The following NUDT9 variants were observed in gnomAD, a reference collection of about 807,000 sequenced individuals.
The protein encoded by NUDT9 is ADP-ribose pyrophosphatase.
In NUDT9, 31 loss-of-function variants were observed where a neutral mutation model predicts 41.0. That is an observed-to-expected ratio of 0.76 (90% confidence interval 0.57 to 1.02). The LOEUF (loss-of-function observed/expected upper bound fraction) is 1.02. NUDT9 is among the 50% of genes least tolerant of loss of function. The pLI is 0.00. For missense variants in NUDT9, 380 were observed against 431.4 expected, an observed-to-expected ratio of 0.88 and a Z score of 1.06; for synonymous variants, 146 against 147.6, an observed-to-expected ratio of 0.99 and a Z score of 0.08.
In NUDT9 at chr4:87,455,650, T is replaced by TC. The variant is rs372811028; in HGVS notation, c.874+1196dup. On this transcript the variant is annotated intron_variant, in intron 7 of 7. Coordinates refer to ENST00000302174, the MANE Select transcript of NUDT9 (RefSeq NM_024047.5). ...TTAGCGTGCTTTTAGTGCTTTTTTT[T>TC]CTTTTTTCTTTTTTTTTTTTTTTAA... Among the ~76,000 whole-genome samples, 307 of 150,270 alleles carry TC rather than the reference T, an allele frequency of 2.0e-3. 4 individuals carry two copies. Among genetic ancestry groups the TC allele is most frequent in the African/African-American group, 7.3e-3 (291 of 40,128 alleles).
chr4:87,454,247 A>G, intron 6 of NUDT9, 124 bp from the exon 7 acceptor site: 2 of 621,456 alleles, frequency 3.2e-6, no homozygotes, highest in Non-Finnish European at 5.9e-6. Flanking sequence ...GCTCAGTAGC[A>G]TTAAGTATGT....
chr4:87,433,697 G>T (rs1181000590), intron 1 of NUDT9, among the ~76,000 whole-genome samples: 1 of 152,176 alleles, frequency 6.6e-6, no homozygotes, highest in Admixed American at 6.5e-5. Context: ...CGTATTTTAA[G>T]AATAATTAGA....
chr4:87,422,787 C>T lies in NUDT9; in HGVS notation c.-119C>T, dbSNP rs901968436. 1.8e-5 allele frequency: 12 copies of T among 673,100 alleles called. No individual in the cohort carries two copies. The African/African-American group carries it at 2.0e-4, about 11-fold the overall frequency. The allele number at this position is 673,100 out of a possible 1,614,324, so 41.7% of individuals were successfully genotyped here. On this transcript the variant is annotated 5_prime_UTR_variant, in exon 1 of 8. Transcript: ENST00000302174. ...CTACTCCCGTTCGGGAACCCAACGG[C>T]AGACAGGTCCTAGTGCCCATCAGAT... is the stretch of plus-strand genomic sequence containing the variant.
intron 5 of NUDT9, among the ~76,000 whole-genome samples, chr4:87,449,578 C>T (rs899325234): frequency 1.3e-5 from 2 of 152,048 alleles, no homozygotes; most frequent in South Asian, 2.1e-4. Flanking sequence ...ATAAAGAGAT[C>T]TACTTCACAG....
At chr4:87,436,363 T>C (rs1023858860) in intron 2 of NUDT9, among the ~76,000 whole-genome samples, 3 of 152,154 alleles carry the variant, frequency 2.0e-5, no homozygotes, top group African/African-American at 7.2e-5. Context: ...CAGGGTGGAG[T>C]GCAGTGGTGT....
intron 2 of NUDT9, among the ~76,000 whole-genome samples, chr4:87,437,750 A>G (rs1328402337): frequency 6.6e-6 from 1 of 152,186 alleles, no homozygotes; most frequent in Non-Finnish European, 1.5e-5. Context: ...TTTCCAGCAT[A>G]GTATGTCTGT....
chr4:87,438,487 T>C (rs1722056283), intron 3 of NUDT9, 115 bp downstream of exon 3: 1 of 558,156 alleles, frequency 1.8e-6, no homozygotes, highest in East Asian at 3.0e-5. Context: ...TATTTACATA[T>C]GTGATGTAAT....
chr4:87,444,542 A>G (rs937489835), intron 4 of NUDT9, among the ~76,000 whole-genome samples: 1 of 152,032 alleles, frequency 6.6e-6, no homozygotes, highest in Non-Finnish European at 1.5e-5. Flanking sequence ...AAGAGTTAAT[A>G]AAAAAAATAT....
intron 5 of NUDT9, among the ~76,000 whole-genome samples, chr4:87,451,047 G>GT (rs1475043378): frequency 6.6e-6 from 1 of 152,218 alleles, no homozygotes; most frequent in Non-Finnish European, 1.5e-5. Context: ...ACTAGGAAGT[G>GT]TTTGAGAGTT....
In NUDT9 at chr4:87,458,855, G is replaced by A. The variant is rs186579309; in HGVS notation, c.*834G>A. On this transcript the variant is annotated 3_prime_UTR_variant, in exon 8 of 8. Coordinates refer to ENST00000302174, the MANE Select transcript of NUDT9 (RefSeq NM_024047.5). ...GAATGCTTATACGCTGTTAGTGGGA[G>A]TGTAAATTGGTCCAACCATTGTGGA... The A allele has an allele frequency of 4.0e-4, 61 of 152,332 alleles. 1 individual carries two copies. The highest frequency in any genetic ancestry group is 1.5e-3 in the African/African-American group (61 of 41,580). The allele number at this position is 152,332 out of a possible 1,614,324, so 9.4% of individuals were successfully genotyped here. A position where few individuals can be genotyped will look rare whatever the true frequency, so the allele number is the denominator to read the frequency against.
At chr4:87,456,717 C>G (rs1262882698) in intron 7 of NUDT9, among the ~76,000 whole-genome samples, 1 of 152,128 alleles carries the variant, frequency 6.6e-6, no homozygotes, top group Non-Finnish European at 1.5e-5. Flanking sequence ...TTGTGATTCT[C>G]TGTATTTGCC....
At chr4:87,425,898 C>T (rs1289233805) in intron 1 of NUDT9, among the ~76,000 whole-genome samples, 2 of 152,052 alleles carry the variant, frequency 1.3e-5, no homozygotes, top group East Asian at 3.9e-4. Flanking sequence ...GTCTCAACCT[C>T]CTGGGCTCAG....
rs1260692658 is a variant in NUDT9, at chr4:87,458,260, T to G, written c.*239T>G. 1 of 343,180 alleles carries G rather than the reference T, an allele frequency of 2.9e-6. No individual in the cohort carries two copies. The highest frequency in any genetic ancestry group is 2.1e-5 in the African/African-American group (1 of 47,342). The allele number at this position is 343,180 out of a possible 1,614,324, so 21.3% of individuals were successfully genotyped here. A position where few individuals can be genotyped will look rare whatever the true frequency, so the allele number is the denominator to read the frequency against. ...GTAATCATATTTTGTATGTATTCGA[T>G]TTAAGCATGGCTTAAATTAAATTTA... On this transcript the variant is annotated 3_prime_UTR_variant, in exon 8 of 8. Transcript: ENST00000302174.
At chr4:87,434,913 C>T in intron 1 of NUDT9, 68 bp from the exon 2 acceptor site, 2 of 1,416,268 alleles carry the variant, frequency 1.4e-6, no homozygotes, top group Non-Finnish European at 1.9e-6. Context: ...GCCACTGCAC[C>T]CGGCCTAGGT....
At chr4:87,440,845 C>CA (rs11408760) in intron 3 of NUDT9, among the ~76,000 whole-genome samples, 50,694 of 147,970 alleles carry the variant, frequency 0.34, 8,941 homozygotes, top group East Asian at 0.47. Context: ...GACTCTGTCT[C>CA]AAAAAAAAAA....
chr4:87,452,128 G>A (rs1371770214), intron 6 of NUDT9, among the ~76,000 whole-genome samples: 2 of 151,818 alleles, frequency 1.3e-5, no homozygotes, highest in African/African-American at 4.8e-5. Flanking sequence ...TCAGCCTCTG[G>A]AGTAGCTGGG....
intron 3 of NUDT9, among the ~76,000 whole-genome samples, chr4:87,440,033 T>TAA (rs1560793100): frequency 6.6e-6 from 1 of 152,208 alleles, no homozygotes; most frequent in Non-Finnish European, 1.5e-5. Context: ...GGTCATAACT[T>TAA]ATTCACCTTT....
At chr4:87,450,884 A>G (rs1722680546) in intron 5 of NUDT9, among the ~76,000 whole-genome samples, 1 of 152,238 alleles carries the variant, frequency 6.6e-6, no homozygotes, top group South Asian at 2.1e-4. Flanking sequence ...AATATTTTAG[A>G]CACTGAGAAT....
intron 1 of NUDT9, among the ~76,000 whole-genome samples, chr4:87,433,117 CA>C (rs1721761040): frequency 6.6e-6 from 1 of 152,028 alleles, no homozygotes; most frequent in Non-Finnish European, 1.5e-5. Context: ...TCAGTAAAGC[CA>C]TCTGGTCCTG....
Sources: gnomAD v4.1 joint callset for allele counts (sites outside exome capture counted in the v4.1 genomes callset) on GRCh38, gnomAD v4.1.1 for gene constraint, MANE v1.5 for transcripts, NCBI Gene and HGNC (gene_info 2026-07-23, HGNC 2026-07-21) for gene names.